The following UTRN variants were observed in gnomAD, a reference collection of about 807,000 sequenced individuals.
The protein encoded by UTRN is dystrophin-related protein 1.
In UTRN, 283 loss-of-function variants were observed where a neutral mutation model predicts 463.9. That is an observed-to-expected ratio of 0.61 (90% confidence interval 0.55 to 0.67). UTRN has a LOEUF of 0.67. Among genes scored for constraint, UTRN ranks in the 30% least tolerant of loss-of-function variants. The pLI is 0.00. For missense variants in UTRN, 3,922 were observed against 4,084.3 expected (o/e 0.96, Z 1.08); for synonymous variants, 1,442 against 1,431.5 (o/e 1.01, Z -0.17).
At chr6:144,529,451 C>A (rs1021092112) in intron 41 of UTRN, among the ~76,000 whole-genome samples, 1 of 152,208 alleles carries the variant, frequency 6.6e-6, no homozygotes, top group African/African-American at 2.4e-5. Context: ...GCAAGTTAGA[C>A]CTTCCTCCTA....
At chr6:144,482,409 T>C in intron 27 of UTRN, 21 bp downstream of exon 27, 1 of 1,196,532 alleles carries the variant, frequency 8.4e-7, no homozygotes, top group Non-Finnish European at 1.1e-6. Context: ...ATTATTATTG[T>C]TGTTATTATT....
At chr6:144,390,469 T>G (rs2114763469) in intron 2 of UTRN, among the ~76,000 whole-genome samples, 1 of 152,322 alleles carries the variant, frequency 6.6e-6, no homozygotes, top group South Asian at 2.1e-4. Flanking sequence ...GAAAAGCCAA[T>G]GGCCCACATT....
chr6:144,442,114 T>C (rs1229905889), intron 13 of UTRN, among the ~76,000 whole-genome samples: 6 of 152,234 alleles, frequency 3.9e-5, no homozygotes, highest in Admixed American at 3.3e-4. Flanking sequence ...GATTAACTTT[T>C]GCCTCTTTGT....
rs372770022 is a variant in UTRN at position 144,757,114 on chromosome 6, C to T, written c.8435-815C>T. Among the ~76,000 whole-genome samples the T allele has an allele frequency of 2.8e-4, 43 of 151,470 alleles. No individual in the cohort carries two copies. In the East Asian group the frequency reaches 3.1e-3, roughly 11 times the overall value. On this transcript the variant is annotated intron_variant, in intron 57 of 74. Coordinates refer to ENST00000367545, the MANE Select transcript of UTRN (RefSeq NM_007124.3). Reference sequence around the variant, plus strand: ...TATTATTTGAATTTTTATATTTGTTCATTTAGCAAAATTCTTTTATGGCAC... The same window carrying T: ...TATTATTTGAATTTTTATATTTGTTTATTTAGCAAAATTCTTTTATGGCAC...
In UTRN at chr6:144,440,402, T is replaced by C; in HGVS notation, c.1443T>C (p.Thr481=). The part of the protein sequence containing the change: ...EAEQVKVNSL[T]HMVVIVDENS... ...AACAGGTGAAAGTAAATTCACTAACTCACATGGTGGTCATTGTTGATGAAA... is the reference window on the plus strand; with the variant it reads ...AACAGGTGAAAGTAAATTCACTAACCCACATGGTGGTCATTGTTGATGAAA... Residue 481 remains threonine (T), a synonymous_variant, in exon 13 of 75, where the codon ACT becomes ACC. Coordinates refer to ENST00000367545, the MANE Select transcript of UTRN (RefSeq NM_007124.3). 3.1e-6 allele frequency: 5 copies of C among 1,614,178 alleles called. No homozygotes were observed. Among genetic ancestry groups the C allele is most frequent in the Non-Finnish European group, 4.2e-6 (5 of 1,180,028 alleles).
chr6:144,622,178 T>G (rs531135776), intron 51 of UTRN, among the ~76,000 whole-genome samples: 12 of 135,118 alleles, frequency 8.9e-5, no homozygotes, highest in Admixed American at 3.2e-4. Flanking sequence ...TCCATTTTTT[T>G]TTGTTGTTTT....
chr6:144,719,437 C>T (rs926067275), intron 53 of UTRN, among the ~76,000 whole-genome samples: 1 of 152,114 alleles, frequency 6.6e-6, no homozygotes, highest in Admixed American at 6.5e-5. Flanking sequence ...ATTATCTGGG[C>T]GTGGTGACAC....
At chr6:144,370,578 C>T (rs987256413) in intron 2 of UTRN, among the ~76,000 whole-genome samples, 6 of 152,178 alleles carry the variant, frequency 3.9e-5, no homozygotes, top group Admixed American at 1.3e-4. Flanking sequence ...TGGGAGCCCC[C>T]GCACAGAATT....
intron 53 of UTRN, among the ~76,000 whole-genome samples, chr6:144,730,010 A>C (rs1788345959): frequency 6.6e-6 from 1 of 152,264 alleles, no homozygotes; most frequent in African/African-American, 2.4e-5. Flanking sequence ...TTACAAGAAA[A>C]AAGTATCTTA....
At chr6:144,735,314 C>T (rs980839011) in intron 54 of UTRN, among the ~76,000 whole-genome samples, 28 of 152,026 alleles carry the variant, frequency 1.8e-4, no homozygotes, top group Non-Finnish European at 2.9e-4. Context: ...TGATTAAGTT[C>T]GGGAAAGAGG....
intron 19 of UTRN, 86 bp downstream of exon 19, chr6:144,453,955 T>A: frequency 8.7e-7 from 1 of 1,150,086 alleles, no homozygotes; most frequent in Non-Finnish European, 1.2e-6. Context: ...TATTTTGCTT[T>A]AATACTCGAA....
intron 53 of UTRN, among the ~76,000 whole-genome samples, chr6:144,716,358 G>A (rs1786449938): frequency 6.6e-6 from 1 of 151,916 alleles, no homozygotes; most frequent in East Asian, 1.9e-4. Context: ...CTTAACAAAT[G>A]CAGGGAGAAG....
intron 51 of UTRN, among the ~76,000 whole-genome samples, chr6:144,648,878 A>G (rs1398463052): frequency 1.3e-5 from 2 of 152,232 alleles, no homozygotes; most frequent in Middle Eastern, 3.2e-3. Context: ...TTATTGAGCA[A>G]TGGTTTTATG....
intron 50 of UTRN, among the ~76,000 whole-genome samples, chr6:144,565,940 T>G (rs953250146): frequency 6.6e-6 from 1 of 152,050 alleles, no homozygotes; most frequent in Non-Finnish European, 1.5e-5. Context: ...TTAAAATGGA[T>G]TATAGTAAAG....
chr6:144,632,014 G>T (rs534345376), intron 51 of UTRN, among the ~76,000 whole-genome samples: 1 of 152,250 alleles, frequency 6.6e-6, no homozygotes, highest in South Asian at 2.1e-4. Flanking sequence ...CCTGGGAAGC[G>T]CCAGGGTCCA....
chr6:144,752,253 A>G (rs1162154707), intron 56 of UTRN, among the ~76,000 whole-genome samples: 1 of 152,182 alleles, frequency 6.6e-6, no homozygotes, highest in South Asian at 2.1e-4. Context: ...CATTTTTCAC[A>G]TAATGGCTAA....
At chr6:144,704,977 A>G (rs1266623726) in intron 53 of UTRN, among the ~76,000 whole-genome samples, 1 of 152,164 alleles carries the variant, frequency 6.6e-6, no homozygotes, top group African/African-American at 2.4e-5. Flanking sequence ...AAACAAAAAA[A>G]CCCAAAAACA....
chr6:144,557,588 G>A (rs1450267161), intron 50 of UTRN, among the ~76,000 whole-genome samples: 3 of 151,484 alleles, frequency 2.0e-5, no homozygotes, highest in East Asian at 1.9e-4. Context: ...ATTGTCTTAC[G>A]CTCTCAGTAT....
intron 65 of UTRN, among the ~76,000 whole-genome samples, chr6:144,809,859 G>T (rs1225559718): frequency 2.0e-5 from 3 of 152,090 alleles, no homozygotes; most frequent in African/African-American, 7.2e-5. Flanking sequence ...TCCCATCTTA[G>T]TTTCATAGTT....
Sources: gnomAD v4.1 joint callset for allele counts (sites outside exome capture counted in the v4.1 genomes callset) on GRCh38, gnomAD v4.1.1 for gene constraint, MANE v1.5 for transcripts, NCBI Gene and HGNC (gene_info 2026-07-23, HGNC 2026-07-21) for gene names.